Variants in TNFRSF1B observed in about 807,000 individuals in gnomAD.
TNFRSF1B encodes the protein tumor necrosis factor receptor superfamily member 1B.
A neutral mutation model predicts 44.6 loss-of-function variants in TNFRSF1B; 19 were observed. The observed-to-expected ratio is 0.43, with a 90% CI of 0.30 to 0.62. TNFRSF1B has a LOEUF of 0.62. TNFRSF1B is among the 20% of genes least tolerant of loss of function. The probability of loss-of-function intolerance (pLI) is 0.16; values close to 1 mark genes in which losing one functional copy is unlikely to be tolerated. For missense variants in TNFRSF1B, 541 were observed against 619.9 expected (o/e 0.87, Z 1.35); for synonymous variants, 252 against 261.1 (o/e 0.97, Z 0.34).
chr1:12,182,022 C>T (rs72863484), intron 1 of TNFRSF1B, among the ~76,000 whole-genome samples: 214 of 152,328 alleles, frequency 1.4e-3, no homozygotes, highest in African/African-American at 4.6e-3. Flanking sequence ...TGGTTACTGC[C>T]CACAGCAGAG....
At chr1:12,176,553 A>G (rs1049145706) in intron 1 of TNFRSF1B, among the ~76,000 whole-genome samples, 3 of 152,188 alleles carry the variant, frequency 2.0e-5, no homozygotes, top group African/African-American at 7.2e-5. Context: ...AACCCCCTCA[A>G]GGCTGCCTGC....
In TNFRSF1B at chr1:12,186,792, T is replaced by G. The variant is rs1232522418; in HGVS notation, c.79-2004T>G. On this transcript the variant is annotated intron_variant, in intron 1 of 9. Coordinates refer to ENST00000376259, the MANE Select transcript of TNFRSF1B (RefSeq NM_001066.3). This position sits in a 1 kb window ranked among gnomAD's most constrained non-coding sequence, Gnocchi z 4.8. The stretch of plus-strand genomic sequence containing the variant: ...TTTGTTCATTTCCAGGTGACGCATC[T>G]GTGGGGGCCCCTGAAGGACTTGGGG... Among the ~76,000 whole-genome samples, 1 of 152,246 alleles carries G rather than the reference T, an allele frequency of 6.6e-6. No individual in the cohort carries two copies. Among genetic ancestry groups the G allele is most frequent in the African/African-American group, 2.4e-5 (1 of 41,472 alleles).
chr1:12,182,727 A>C (rs1638839595), intron 1 of TNFRSF1B, among the ~76,000 whole-genome samples: 1 of 152,232 alleles, frequency 6.6e-6, no homozygotes, highest in Non-Finnish European at 1.5e-5. Context: ...CTGGCCTGGC[A>C]CATAGTAGTT....
chr1:12,174,759 G>A (rs1012705547), intron 1 of TNFRSF1B, among the ~76,000 whole-genome samples: 6 of 152,170 alleles, frequency 3.9e-5, no homozygotes, highest in African/African-American at 1.4e-4. Flanking sequence ...GACACTAGTG[G>A]GCATGTTCTG....
chr1:12,194,684 C>T, intron 8 of TNFRSF1B, 66 bp downstream of exon 8: 1 of 1,577,242 alleles, frequency 6.3e-7, no homozygotes. Flanking sequence ...TGGGCTGTCA[C>T]AGAGGAAGCA....
At chr1:12,183,853 A>C in intron 1 of TNFRSF1B, among the ~76,000 whole-genome samples, 1 of 150,990 alleles carries the variant, frequency 6.6e-6, no homozygotes, top group Non-Finnish European at 1.5e-5. Flanking sequence ...CTATCTATCT[A>C]CCTACCTACC....
At position 12,205,070 on chromosome 1, in the gene TNFRSF1B, C is replaced by G. The variant is rs193060519; in HGVS notation, c.1106-1670C>G. ...TGGGTTCAGAGTCTGGTTGGGGACC[C>G]CAGGAGCTGGGGGCTCTGGAGATCA... On this transcript the variant is annotated intron_variant, in intron 9 of 9. Coordinates refer to ENST00000376259, the MANE Select transcript of TNFRSF1B (RefSeq NM_001066.3). Among the ~76,000 whole-genome samples, 5 of 152,200 alleles carry G rather than the reference C, an allele frequency of 3.3e-5. No individual in the cohort carries two copies. In the East Asian group the frequency reaches 9.7e-4, roughly 29 times the overall value.
intron 9 of TNFRSF1B, among the ~76,000 whole-genome samples, chr1:12,203,855 G>A (rs1173934312): frequency 6.6e-6 from 1 of 152,134 alleles, no homozygotes; most frequent in African/African-American, 2.4e-5. Flanking sequence ...TCAGCTTCCC[G>A]AGTAGGCGGG....
intron 2 of TNFRSF1B, among the ~76,000 whole-genome samples, chr1:12,189,214 G>C (rs558324389): frequency 1.2e-3 from 187 of 152,268 alleles, no homozygotes; most frequent in Non-Finnish European, 2.0e-3. Flanking sequence ...GCTCCTGGGG[G>C]AGTCAGGGAG....
chr1:12,169,431 C>T lies in TNFRSF1B; in HGVS notation c.78+2262C>T, dbSNP rs1638472525. Among the ~76,000 whole-genome samples the T allele has an allele frequency of 6.6e-6, 1 of 152,172 alleles. No homozygotes were observed. Among genetic ancestry groups the T allele is most frequent in the South Asian group, 2.1e-4 (1 of 4,830 alleles). On this transcript the variant is annotated intron_variant, in intron 1 of 9. Coordinates refer to ENST00000376259, the MANE Select transcript of TNFRSF1B (RefSeq NM_001066.3). This position sits in a 1 kb window ranked among gnomAD's most constrained non-coding sequence, Gnocchi z 4.5. The stretch of plus-strand genomic sequence containing the variant: ...CCGTTTGTCTTTAGAGATGTGGAAA[C>T]TGAGGCGTTTCCCAGGATCACAGAG...
Position 12,169,017 on chromosome 1 carries a change from T to C in TNFRSF1B, c.78+1848T>C, listed in dbSNP as rs1638462822. Among the ~76,000 whole-genome samples, 1 of 152,132 alleles carries C rather than the reference T, an allele frequency of 6.6e-6. No homozygotes were observed. The highest frequency in any genetic ancestry group is 1.5e-5 in the Non-Finnish European group (1 of 68,022). On this transcript the variant is annotated intron_variant, in intron 1 of 9. Transcript: ENST00000376259. This position sits in a 1 kb window ranked among gnomAD's most constrained non-coding sequence, Gnocchi z 4.5. The stretch of plus-strand genomic sequence containing the variant: ...CTGATGATGGTCATCGTGTGTGTCA[T>C]TGTGCAAAAAGCATTGTCCGTGCCA...
rs142002010 is a variant in TNFRSF1B, at chr1:12,206,726, C to G, written c.1106-14C>G. ...ACCCCCGGACTGACCCCCACCCCAT[C>G]TTGTGCTTAGCAGATTCTTCCCCTG... On this transcript the variant is annotated splice_polypyrimidine_tract_variant and intron_variant, in intron 9 of 9. Transcript: ENST00000376259. 8 of 1,562,824 alleles carry G rather than the reference C, an allele frequency of 5.1e-6. No individual in the cohort carries two copies. The highest frequency in any genetic ancestry group is 6.1e-6 in the Non-Finnish European group (7 of 1,148,206).
At chr1:12,204,818 C>CAACAACA (rs1553165604) in intron 9 of TNFRSF1B, among the ~76,000 whole-genome samples, 109 of 151,400 alleles carry the variant, frequency 7.2e-4, no homozygotes, top group African/African-American at 2.6e-3. Flanking sequence ...CCACCACCAA[C>CAACAACA]AAAAAAACCC....
Position 12,207,062 on chromosome 1 carries a change from C to G in TNFRSF1B, c.*42C>G. On this transcript the variant is annotated 3_prime_UTR_variant, in exon 10 of 10. Coordinates refer to ENST00000376259, the MANE Select transcript of TNFRSF1B (RefSeq NM_001066.3). ...TGTGTCGTAGCCAAGGTGGGCTGAG[C>G]CCTGGCAGGATGACCCTGCGAAGGG... is the stretch of plus-strand genomic sequence containing the variant. The G allele has an allele frequency of 2.0e-6, 3 of 1,520,688 alleles. No individual in the cohort carries two copies. The highest frequency in any genetic ancestry group is 2.7e-6 in the Non-Finnish European group (3 of 1,131,304). 94.2% of individuals were successfully genotyped at this position (1,520,688 alleles called of 1,614,324 possible).
In TNFRSF1B at chr1:12,207,113, A is replaced by C; in HGVS notation, c.*93A>C. The C allele has an allele frequency of 1.5e-6, 2 of 1,365,350 alleles. No homozygotes were observed. Among genetic ancestry groups the C allele is most frequent in the Non-Finnish European group, 2.0e-6 (2 of 1,024,406 alleles). 84.6% of individuals were successfully genotyped at this position (1,365,350 alleles called of 1,614,324 possible). A position where few individuals can be genotyped will look rare whatever the true frequency, so the allele number is the denominator to read the frequency against. ...GCCCTGGTCCTTCCAGGCCCCCACC[A>C]CTAGGACTCTGAGGCTCTTTCTGGG... On this transcript the variant is annotated 3_prime_UTR_variant, in exon 10 of 10. Transcript: ENST00000376259.
Position 12,171,496 on chromosome 1 carries a change from G to A in TNFRSF1B, c.78+4327G>A, listed in dbSNP as rs557678499. On this transcript the variant is annotated intron_variant, in intron 1 of 9. Coordinates refer to ENST00000376259, the MANE Select transcript of TNFRSF1B (RefSeq NM_001066.3). The surrounding 1 kb of genome is among the most constrained non-coding windows in gnomAD (Gnocchi z 4.5). ...TCCTGCCTGTAGGTGCTCCCTGCCA[G>A]GCACTCTCACTCCCTGACCTGCTTT... is the stretch of plus-strand genomic sequence containing the variant. 2.0e-5 allele frequency among the ~76,000 whole-genome samples: 3 copies of A among 152,310 alleles called. No individual in the cohort carries two copies. In the South Asian group the frequency reaches 6.2e-4, roughly 32 times the overall value.
Position 12,199,834 on chromosome 1 carries a change from T to C in TNFRSF1B, c.901-2133T>C, listed in dbSNP as rs904703581. On this transcript the variant is annotated intron_variant, in intron 8 of 9. Transcript: ENST00000376259. This position sits in a 1 kb window ranked among gnomAD's most constrained non-coding sequence, Gnocchi z 4.0. The stretch of plus-strand genomic sequence containing the variant: ...TTTCTGCCTGGGACACTTGTTTTCA[T>C]CCTGGGCAGGCCAGGGGCCAGGGCA... Among the ~76,000 whole-genome samples, 3 of 152,224 alleles carry C rather than the reference T, an allele frequency of 2.0e-5. No individual in the cohort carries two copies. The highest frequency in any genetic ancestry group is 2.0e-4 in the Admixed American group (3 of 15,280).
In TNFRSF1B at chr1:12,177,386, T is replaced by G. The variant is rs1245111360; in HGVS notation, c.78+10217T>G. 6.6e-6 allele frequency among the ~76,000 whole-genome samples: 1 copy of G among 152,160 alleles called. No homozygotes were observed. Among genetic ancestry groups the G allele is most frequent in the African/African-American group, 2.4e-5 (1 of 41,446 alleles). ...GTCGGTCACAGGGCCAGCCCGGTCC[T>G]GGTCACCGCTGGCTGGTTACCCCGG... is the stretch of plus-strand genomic sequence containing the variant. On this transcript the variant is annotated intron_variant, in intron 1 of 9. Transcript: ENST00000376259. The surrounding 1 kb of genome is among the most constrained non-coding windows in gnomAD (Gnocchi z 4.3).
chr1:12,183,279 C>T (rs371997808), intron 1 of TNFRSF1B, among the ~76,000 whole-genome samples: 11 of 152,268 alleles, frequency 7.2e-5, no homozygotes, highest in East Asian at 3.9e-4. Context: ...ATCCGCTTGC[C>T]GCCATCCTGG....
Sources: allele counts gnomAD v4.1 joint callset (sites outside exome capture counted in the v4.1 genomes callset), GRCh38; gene constraint gnomAD v4.1.1; non-coding constraint Gnocchi (gnomAD v3.1); transcripts MANE v1.5; gene names NCBI Gene and HGNC (gene_info 2026-07-23, HGNC 2026-07-21).